Variants in EMP2 observed in about 807,000 individuals in gnomAD.
EMP2 encodes epithelial membrane protein 2.
A neutral mutation model predicts 13.7 loss-of-function variants in EMP2; 19 were observed. That is an observed-to-expected ratio of 1.38 (90% CI 0.97 to 2.03). The LOEUF (loss-of-function observed/expected upper bound fraction) is 2.03. EMP2 is among the 30% of genes most tolerant of loss of function. The probability of loss-of-function intolerance (pLI) is 0.00; values close to 1 mark genes in which losing one functional copy is unlikely to be tolerated. For synonymous variants in EMP2, 97 were observed against 84.7 expected (o/e 1.15, Z -0.80); for missense variants, 253 against 220.7 (o/e 1.15, Z -0.93).
At chr16:10,556,457 G>T (rs1359983957) in intron 1 of EMP2, among the ~76,000 whole-genome samples, 1 of 152,208 alleles carries the variant, frequency 6.6e-6, no homozygotes, top group Non-Finnish European at 1.5e-5. Context: ...AGCAACTGCT[G>T]CTGTCACAGG....
chr16:10,569,477 C>T (rs951601666), intron 1 of EMP2, among the ~76,000 whole-genome samples: 4 of 152,070 alleles, frequency 2.6e-5, no homozygotes, highest in African/African-American at 9.7e-5. Context: ...TGCCACCATA[C>T]CTGGGTAATT....
At chr16:10,561,832 A>C (rs180914093) in intron 1 of EMP2, among the ~76,000 whole-genome samples, 12 of 152,200 alleles carry the variant, frequency 7.9e-5, no homozygotes, top group African/African-American at 2.9e-4. Context: ...GCCAGATTTC[A>C]AGGAGCTAAA....
intron 1 of EMP2, among the ~76,000 whole-genome samples, chr16:10,570,981 G>A (rs60775234): frequency 0.089 from 13,502 of 151,692 alleles, 950 homozygotes; most frequent in East Asian, 0.35. Flanking sequence ...GGAACTGGCA[G>A]GGGCCGGTGG....
chr16:10,569,717 T>A (rs571408859), intron 1 of EMP2, among the ~76,000 whole-genome samples: 2 of 152,314 alleles, frequency 1.3e-5, no homozygotes, highest in African/African-American at 4.8e-5. Context: ...ACGAGCATAA[T>A]ACAGTCTTTA....
intron 1 of EMP2, among the ~76,000 whole-genome samples, chr16:10,561,903 G>GA (rs944917711): frequency 4.0e-5 from 6 of 151,806 alleles, no homozygotes; most frequent in Middle Eastern, 3.4e-3. Flanking sequence ...AATAAAAGGA[G>GA]AAAAAAAAGG....
chr16:10,568,196 C>T (rs1012606949), intron 1 of EMP2, among the ~76,000 whole-genome samples: 2 of 152,190 alleles, frequency 1.3e-5, no homozygotes, highest in Non-Finnish European at 1.5e-5. Context: ...CTGGGGACAG[C>T]CCCCACCAAT....
chr16:10,560,911 A>G (rs1251301995), intron 1 of EMP2, among the ~76,000 whole-genome samples: 2 of 152,214 alleles, frequency 1.3e-5, no homozygotes, highest in Non-Finnish European at 2.9e-5. Context: ...GAGACCACAC[A>G]AAGGAGAGCA....
chr16:10,551,501 G>C (rs1214756116), intron 1 of EMP2, among the ~76,000 whole-genome samples: 3 of 152,142 alleles, frequency 2.0e-5, no homozygotes, highest in Non-Finnish European at 4.4e-5. Flanking sequence ...CTGCCTCCCG[G>C]GTTCAAGCGA....
intron 3 of EMP2, among the ~76,000 whole-genome samples, chr16:10,539,510 G>C (rs1567201461): frequency 6.6e-6 from 1 of 152,170 alleles, no homozygotes; most frequent in Non-Finnish European, 1.5e-5. Context: ...GTGAGTTATA[G>C]TGACAGAAGT....
chr16:10,534,673 G>A (rs1223176725), intron 4 of EMP2, among the ~76,000 whole-genome samples: 1 of 152,236 alleles, frequency 6.6e-6, no homozygotes, highest in Non-Finnish European at 1.5e-5. Flanking sequence ...GGCTGCGGCA[G>A]GAGAATCGCC....
chr16:10,533,009 T>C lies in EMP2; in HGVS notation c.400A>G (p.Thr134Ala). ...GAGTAGCCGTAGCTGCCTTCTCTGG[T>C]CACGGGATAGAATTTCGCGTTTTTG... is the stretch of plus-strand genomic sequence containing the variant. ...HDKNAKFYPV[T>A]REGSYGYSYI... The change falls in exon 5 of 5, where the codon ACC (threonine) becomes GCC (alanine). Residue 134 changes from threonine (T) to alanine (A), a missense_variant. Transcript: ENST00000359543. 1.9e-6 allele frequency: 3 copies of C among 1,612,404 alleles called. No homozygotes were observed. The highest frequency in any genetic ancestry group is 2.5e-6 in the Non-Finnish European group (3 of 1,179,316).
chr16:10,549,504 T>A (rs992612277), intron 1 of EMP2, among the ~76,000 whole-genome samples: 1 of 152,244 alleles, frequency 6.6e-6, no homozygotes, highest in Admixed American at 6.5e-5. Flanking sequence ...AGGGAAGATG[T>A]CACATCAAAT....
intron 1 of EMP2, among the ~76,000 whole-genome samples, chr16:10,572,381 C>T (rs1023841618): frequency 6.6e-6 from 1 of 151,736 alleles, no homozygotes; most frequent in Non-Finnish European, 1.5e-5. Context: ...CAGGTGTTCG[C>T]GGCTGCCGTG....
chr16:10,535,816 G>A (rs545298229), intron 4 of EMP2, among the ~76,000 whole-genome samples: 34 of 152,306 alleles, frequency 2.2e-4, no homozygotes, highest in African/African-American at 7.9e-4. Context: ...AAAGGAGGGG[G>A]ATCAGACACC....
At chr16:10,549,587 C>T (rs959173307) in intron 1 of EMP2, among the ~76,000 whole-genome samples, 6 of 151,978 alleles carry the variant, frequency 3.9e-5, no homozygotes, top group Middle Eastern at 3.2e-3. Context: ...TAATTTGTGA[C>T]GAGATAGTTA....
chr16:10,546,289 C>T (rs547866165), intron 2 of EMP2: 1 of 152,282 alleles, frequency 6.6e-6, no homozygotes, highest in East Asian at 1.9e-4. Context: ...ATGTTTCTGC[C>T]CTTTAATTAT....
At chr16:10,567,358 G>C (rs1263323816) in intron 1 of EMP2, among the ~76,000 whole-genome samples, 1 of 152,224 alleles carries the variant, frequency 6.6e-6, no homozygotes, top group African/African-American at 2.4e-5. Flanking sequence ...TGACAATATA[G>C]CATTCTCTTC....
At chr16:10,543,477 A>G in intron 3 of EMP2, 93 bp downstream of exon 3, 1 of 1,388,366 alleles carries the variant, frequency 7.2e-7, no homozygotes, top group Non-Finnish European at 1.0e-6. Flanking sequence ...TGAGTGGAGG[A>G]GAGGGTACGG....
chr16:10,557,220 G>A (rs940633824), intron 1 of EMP2, among the ~76,000 whole-genome samples: 3 of 151,918 alleles, frequency 2.0e-5, no homozygotes, highest in Non-Finnish European at 4.4e-5. Context: ...ATCCAGGCAC[G>A]GTGGCAGATG....
Sources: gnomAD v4.1 joint callset for allele counts (sites outside exome capture counted in the v4.1 genomes callset) on GRCh38, gnomAD v4.1.1 for gene constraint, MANE v1.5 for transcripts, NCBI Gene and HGNC (gene_info 2026-07-23, HGNC 2026-07-21) for gene names.